HKDC1: variants seen among roughly 807,000 people sequenced by gnomAD.
HKDC1 encodes hexokinase domain containing 1.
In HKDC1, 66 loss-of-function variants were observed where a neutral mutation model predicts 96.6. That is an observed-to-expected ratio of 0.68 (90% CI 0.56 to 0.84). HKDC1 has a LOEUF of 0.84. HKDC1 is among the 40% of genes least tolerant of loss of function. The pLI, the probability that HKDC1 is intolerant of heterozygous loss-of-function variation, is 0.00. For synonymous variants in HKDC1, 466 were observed against 473.1 expected (o/e 0.98, Z 0.20); for missense variants, 1,211 against 1,208.1 (o/e 1.00, Z -0.04).
At chr10:69,238,050 A>C (rs138421807) in intron 4 of HKDC1, among the ~76,000 whole-genome samples, 169 of 152,376 alleles carry the variant, frequency 1.1e-3, no homozygotes, top group African/African-American at 3.9e-3. Flanking sequence ...TTCAGACACG[A>C]AACTCAGGAA....
Position 69,250,552 on chromosome 10 carries a change from A to G in HKDC1, c.1736A>G (p.Gln579Arg), listed in dbSNP as rs1843625317. The G allele has an allele frequency of 6.2e-7, 1 of 1,614,116 alleles. No homozygotes were observed. Among genetic ancestry groups the G allele is most frequent in the Non-Finnish European group, 8.5e-7 (1 of 1,180,016 alleles). ...CTGCAGCTCTTTGATCACATTGTGC[A>G]GTGCATCGCCGACTTCCTGGACTAC... is the stretch of plus-strand genomic sequence containing the variant. ...TGEELFDHIVQCIADFLDYMG... is the reference protein window; with the variant it reads ...TGEELFDHIVRCIADFLDYMG... Residue 579 changes from glutamine (Q) to arginine (R), a missense_variant, in exon 12 of 18, where the codon CAG becomes CGG. Coordinates refer to ENST00000354624, the MANE Select transcript of HKDC1 (RefSeq NM_025130.4).
At chr10:69,241,473 G>A (rs1843456258) in intron 6 of HKDC1, among the ~76,000 whole-genome samples, 1 of 152,112 alleles carries the variant, frequency 6.6e-6, no homozygotes, top group South Asian at 2.1e-4. Flanking sequence ...TGGATAAATG[G>A]ATGCGCATTT....
chr10:69,265,589 C>T lies in HKDC1; in HGVS notation c.2377C>T (p.Arg793Trp), dbSNP rs140614647. ...TCCCTGCTCTATTGCCTGCAGCGATCGGCTGGCCCTTCTCCAGGTCAGGAG... is the reference window on the plus strand; with the variant it reads ...TCCCTGCTCTATTGCCTGCAGCGATTGGCTGGCCCTTCTCCAGGTCAGGAG... ...TKFLSQIESDRLALLQVRRIL... is the reference protein window; with the variant it reads ...TKFLSQIESDWLALLQVRRIL... The change falls in exon 17 of 18, where the codon CGG becomes TGG. Residue 793 changes from arginine (R) to tryptophan (W), a missense_variant. Transcript: ENST00000354624. 3.7e-5 allele frequency: 60 copies of T among 1,613,454 alleles called. No individual in the cohort carries two copies. In the African/African-American group the frequency reaches 5.7e-4, roughly 15 times the overall value.
chr10:69,257,964 G>A (rs1373260285), intron 14 of HKDC1, among the ~76,000 whole-genome samples: 1 of 152,190 alleles, frequency 6.6e-6, no homozygotes, highest in Admixed American at 6.5e-5. Context: ...AGAATGGGTA[G>A]GATTGGAACA....
intron 2 of HKDC1, among the ~76,000 whole-genome samples, chr10:69,229,590 T>C (rs1428179000): frequency 6.6e-6 from 1 of 152,172 alleles, no homozygotes; most frequent in Non-Finnish European, 1.5e-5. Flanking sequence ...AGACAAGGTG[T>C]GTCCCCAGAA....
At chr10:69,227,456 G>A (rs1012465225) in intron 2 of HKDC1, 87 bp downstream of exon 2, 3 of 1,453,474 alleles carry the variant, frequency 2.1e-6, no homozygotes, top group Non-Finnish European at 1.9e-6. Context: ...CTGTACCTTG[G>A]CTTCTCTCTC....
At chr10:69,260,349 G>C (rs1843785631) in intron 15 of HKDC1, among the ~76,000 whole-genome samples, 1 of 152,190 alleles carries the variant, frequency 6.6e-6, no homozygotes. Flanking sequence ...AAAAAGAAGG[G>C]ACCTTCCCTT....
chr10:69,247,018 G>A (rs1272860034), intron 8 of HKDC1, among the ~76,000 whole-genome samples: 2 of 152,198 alleles, frequency 1.3e-5, no homozygotes, highest in African/African-American at 2.4e-5. Flanking sequence ...TTCAAATCTC[G>A]GCTCTAGCCC....
chr10:69,228,935 G>GAAGAAAGAGAAAGA (rs879901858), intron 2 of HKDC1, among the ~76,000 whole-genome samples: 1 of 151,336 alleles, frequency 6.6e-6, no homozygotes, highest in South Asian at 2.1e-4. Context: ...AGGAAAGAAA[G>GAAGAAAGAGAAAGA]AAGAAAGAGA....
At chr10:69,225,383 G>A (rs1843139525) in intron 1 of HKDC1, among the ~76,000 whole-genome samples, 1 of 152,202 alleles carries the variant, frequency 6.6e-6, no homozygotes, top group Admixed American at 6.5e-5. Flanking sequence ...CGGCTTGTGT[G>A]TGGCTGTGCC....
At position 69,237,081 on chromosome 10, in the gene HKDC1, G is replaced by A. The variant is rs1043111093; in HGVS notation, c.496-1961G>A. Among the ~76,000 whole-genome samples the A allele has an allele frequency of 3.3e-5, 5 of 152,172 alleles. 1 individual carries two copies. In the South Asian group the frequency reaches 8.3e-4, roughly 25 times the overall value. ...TCCATGACTGCAGAGGGATGGAAAG[G>A]GGAAGGCTGTGTGAGGAGGTGTGAT... On this transcript the variant is annotated intron_variant, in intron 4 of 17. Coordinates refer to ENST00000354624, the MANE Select transcript of HKDC1 (RefSeq NM_025130.4).
chr10:69,250,638 A>G lies in HKDC1; in HGVS notation c.1822A>G (p.Met608Val). ...GFTFSFPCRQ[M>V]SIDKGTLIGW... Reference sequence around the variant, plus strand: ...CACATTCTCATTTCCCTGCAGGCAGATGAGCATTGACAAGGTAAGATAGCC... The same window carrying G: ...CACATTCTCATTTCCCTGCAGGCAGGTGAGCATTGACAAGGTAAGATAGCC... The change falls in exon 12 of 18, where the codon ATG becomes GTG. Residue 608 changes from methionine (M) to valine (V), a missense_variant. Coordinates refer to ENST00000354624, the MANE Select transcript of HKDC1 (RefSeq NM_025130.4). 1 of 1,613,902 alleles carries G rather than the reference A, an allele frequency of 6.2e-7. No homozygotes were observed. Among genetic ancestry groups the G allele is most frequent in the Non-Finnish European group, 8.5e-7 (1 of 1,179,998 alleles).
intron 5 of HKDC1, among the ~76,000 whole-genome samples, chr10:69,239,735 G>A (rs1843424760): frequency 6.7e-6 from 1 of 149,286 alleles, no homozygotes; most frequent in African/African-American, 2.5e-5. Flanking sequence ...TTGTTTTATA[G>A]CCTGCATTTT....
chr10:69,249,013 C>T (rs575223323), intron 10 of HKDC1: 37 of 285,610 alleles, frequency 1.3e-4, no homozygotes, highest in Middle Eastern at 9.7e-4. Flanking sequence ...GTACCCCCCC[C>T]GACCCCCAGA....
intron 15 of HKDC1, 41 bp from the exon 16 acceptor site, chr10:69,261,098 A>C: frequency 6.3e-7 from 1 of 1,588,608 alleles, no homozygotes; most frequent in Non-Finnish European, 8.6e-7. Context: ...GGTCTTCTGC[A>C]TTGCAGGTCT....
At chr10:69,233,893 G>C (rs1296049441) in intron 4 of HKDC1, among the ~76,000 whole-genome samples, 1 of 1,116 alleles carries the variant, frequency 9.0e-4, no homozygotes, top group Non-Finnish European at 2.2e-3. Context: ...GCAAGACTCC[G>C]TCTCAAAAAA....
chr10:69,239,770 T>C (rs1401147573), intron 5 of HKDC1, among the ~76,000 whole-genome samples: 2 of 149,308 alleles, frequency 1.3e-5, no homozygotes, highest in African/African-American at 2.5e-5. Flanking sequence ...ATTTTACTTT[T>C]TTTTTTTTTT....
At chr10:69,255,531 C>T (rs1436244766) in intron 12 of HKDC1, among the ~76,000 whole-genome samples, 1 of 152,192 alleles carries the variant, frequency 6.6e-6, no homozygotes, top group Admixed American at 6.5e-5. Context: ...TGCCTTCACC[C>T]CCCTGGCTTT....
chr10:69,257,066 A>C lies in HKDC1; in HGVS notation c.1867A>C (p.Lys623Gln). ...GTLIGWTKGF[K>Q]ATDCEGEDVV... Reference sequence around the variant, plus strand: ...ACTCATAGGGTGGACCAAAGGTTTCAAGGCCACTGACTGTGAAGGGGAGGA... The same window carrying C: ...ACTCATAGGGTGGACCAAAGGTTTCCAGGCCACTGACTGTGAAGGGGAGGA... The change falls in exon 13 of 18, where the codon AAG becomes CAG. Residue 623 changes from lysine to glutamine, a missense_variant. By Grantham distance (53) the Lys-to-Gln change is moderately conservative (BLOSUM62 1). Coordinates refer to ENST00000354624, the MANE Select transcript of HKDC1 (RefSeq NM_025130.4). 6.2e-7 allele frequency: 1 copy of C among 1,614,132 alleles called. No individual in the cohort carries two copies. Among genetic ancestry groups the C allele is most frequent in the Non-Finnish European group, 8.5e-7 (1 of 1,180,012 alleles).
Sources: allele counts gnomAD v4.1 joint callset (sites outside exome capture counted in the v4.1 genomes callset), GRCh38; gene constraint gnomAD v4.1.1; transcripts MANE v1.5; gene names NCBI Gene and HGNC (gene_info 2026-07-23, HGNC 2026-07-21).